The following FANCL variants were observed in gnomAD, a reference collection of about 807,000 sequenced individuals.
FANCL encodes the protein FA complementation group L, also known as E3 ubiquitin-protein ligase FANCL.
A neutral mutation model predicts 59.4 loss-of-function variants in FANCL; 69 were observed. That is an observed-to-expected ratio of 1.16 (90% CI 0.96 to 1.42). The LOEUF (loss-of-function observed/expected upper bound fraction) is 1.42. FANCL is among the 40% of genes most tolerant of loss of function. The pLI is 0.00. For missense variants in FANCL, 519 were observed against 447.2 expected, an observed-to-expected ratio of 1.16 and a Z score of -1.45; for synonymous variants, 180 against 147.1, an observed-to-expected ratio of 1.22 and a Z score of -1.62.
At chr2:58,223,543 C>T (rs1454589666) in intron 4 of FANCL, among the ~76,000 whole-genome samples, 3 of 151,938 alleles carry the variant, frequency 2.0e-5, no homozygotes, top group Admixed American at 2.0e-4. Context: ...AGGTAAGTTA[C>T]TCCTACTGTA....
chr2:58,178,901 A>C (rs13409706), intron 7 of FANCL, among the ~76,000 whole-genome samples: 2,342 of 152,314 alleles, frequency 0.015, 61 homozygotes, highest in African/African-American at 0.052. Flanking sequence ...ATACAAAATC[A>C]ATGTACAAAA....
At chr2:58,196,369 T>A (rs561994165) in intron 7 of FANCL, among the ~76,000 whole-genome samples, 8 of 152,084 alleles carry the variant, frequency 5.3e-5, no homozygotes, top group Non-Finnish European at 1.0e-4. Flanking sequence ...ATTTGTCAAA[T>A]CTGAGTTGTG....
rs1188120750 is a variant in FANCL at position 58,177,588 on chromosome 2, A to C, written c.541-11714T>G. Among the ~76,000 whole-genome samples, 10 of 133,008 alleles carry C rather than the reference A, an allele frequency of 7.5e-5. No homozygotes were observed. The Admixed American group carries it at 8.0e-4, about 11-fold the overall frequency. The allele number at this position is 133,008 out of a possible 152,430, so 87.3% of individuals were successfully genotyped here. ...TAGGTGGGAATTGAACAATGAGAAC[A>C]CATGGACACAGGAAGGGGAACATCA... On this transcript the variant is annotated intron_variant, in intron 7 of 13. Transcript: ENST00000233741.
intron 5 of FANCL, among the ~76,000 whole-genome samples, chr2:58,217,182 A>ATATATTT (rs1558806475): frequency 2.1e-3 from 10 of 4,806 alleles, no homozygotes; most frequent in African/African-American, 9.7e-3. Flanking sequence ...ATATATATAT[A>ATATATTT]TATATATATA....
chr2:58,196,553 TATA>T lies in FANCL; in HGVS notation c.540+2038_540+2040del, dbSNP rs566144356. Reference sequence around the variant, plus strand: ...CTTAAATTTGAATTAATATTATTAATATAATATTTATTCCATGCTTATATGAAT... The same window carrying T: ...CTTAAATTTGAATTAATATTATTAATATATTTATTCCATGCTTATATGAAT... On this transcript the variant is annotated intron_variant, in intron 7 of 13. Transcript: ENST00000233741. Among the ~76,000 whole-genome samples, 917 of 152,036 alleles carry T rather than the reference TATA, an allele frequency of 6.0e-3. 8 individuals are homozygous for T. Among genetic ancestry groups the T allele is most frequent in the African/African-American group, 0.021 (859 of 41,544 alleles).
At chr2:58,182,747 T>A (rs886478717) in intron 7 of FANCL, among the ~76,000 whole-genome samples, 2 of 151,724 alleles carry the variant, frequency 1.3e-5, no homozygotes. Context: ...AATGATGTCC[T>A]AATACAATTC....
chr2:58,163,603 A>G (rs1158585731), intron 8 of FANCL, 86 bp from the exon 9 acceptor site: 3 of 811,152 alleles, frequency 3.7e-6, no homozygotes, highest in East Asian at 2.6e-5. Context: ...TGGTCTGGCT[A>G]CCTATTTCAC....
intron 5 of FANCL, among the ~76,000 whole-genome samples, chr2:58,211,304 C>T (rs942754726): frequency 2.0e-5 from 3 of 149,586 alleles, no homozygotes; most frequent in African/African-American, 4.9e-5. Context: ...TCTGCAGCCA[C>T]GGCCCAAGCT....
In FANCL at chr2:58,198,667, T is replaced by C; in HGVS notation, c.472-5A>G. On this transcript the variant is annotated splice_polypyrimidine_tract_variant and splice_region_variant and intron_variant, in intron 6 of 13. Coordinates refer to ENST00000233741, the MANE Select transcript of FANCL (RefSeq NM_018062.4). The stretch of plus-strand genomic sequence containing the variant: ...ATCTGGTGATTCTGCAGGATACTAT[T>C]AAAAAAGCATAACATTAGACCATTT... 3 of 1,610,372 alleles carry C rather than the reference T, an allele frequency of 1.9e-6. No individual in the cohort carries two copies. The highest frequency in any genetic ancestry group is 2.5e-6 in the Non-Finnish European group (3 of 1,176,730).
chr2:58,201,358 A>G (rs886353850), intron 6 of FANCL, among the ~76,000 whole-genome samples: 9 of 151,820 alleles, frequency 5.9e-5, no homozygotes, highest in Non-Finnish European at 1.0e-4. Context: ...ATTTGCAGAA[A>G]ATCAAATCAA....
At chr2:58,171,552 G>GA (rs927998598) in intron 7 of FANCL, among the ~76,000 whole-genome samples, 3 of 151,984 alleles carry the variant, frequency 2.0e-5, no homozygotes, top group Admixed American at 2.0e-4. Flanking sequence ...ATAGAGACAC[G>GA]AAAAACCCTT....
chr2:58,221,083 G>C (rs1274831451), intron 5 of FANCL, among the ~76,000 whole-genome samples: 2 of 151,674 alleles, frequency 1.3e-5, no homozygotes, highest in African/African-American at 4.8e-5. Flanking sequence ...CGTGGTGGCA[G>C]GCGCCTGTAG....
chr2:58,166,163 G>GTCC (rs1558741944), intron 7 of FANCL, among the ~76,000 whole-genome samples: 1 of 151,628 alleles, frequency 6.6e-6, no homozygotes, highest in Non-Finnish European at 1.5e-5. Context: ...ATAGTAATGA[G>GTCC]TACAAGATGT....
chr2:58,213,956 T>C (rs1014084774), intron 5 of FANCL, among the ~76,000 whole-genome samples: 1 of 151,876 alleles, frequency 6.6e-6, no homozygotes, highest in Non-Finnish European at 1.5e-5. Context: ...AGCTGCCCTA[T>C]GGGACAACTC....
At chr2:58,188,510 T>G (rs1688625112) in intron 7 of FANCL, among the ~76,000 whole-genome samples, 1 of 151,998 alleles carries the variant, frequency 6.6e-6, no homozygotes, top group Non-Finnish European at 1.5e-5. Flanking sequence ...TGATCACAGC[T>G]CACTGCAACC....
At chr2:58,175,988 AACAG>A (rs1025151021) in intron 7 of FANCL, among the ~76,000 whole-genome samples, 15 of 152,354 alleles carry the variant, frequency 9.8e-5, no homozygotes, top group African/African-American at 3.6e-4. Flanking sequence ...ACACACTAAT[AACAG>A]ACAAACAGCC....
At position 58,173,672 on chromosome 2, in the gene FANCL, C is replaced by A. The variant is rs565362537; in HGVS notation, c.541-7798G>T. ...GGAAAGGAACAACCGGTACCAGCCG[C>A]TGCAAAATCATGCCAAATTGTAAAG... On this transcript the variant is annotated intron_variant, in intron 7 of 13. Coordinates refer to ENST00000233741, the MANE Select transcript of FANCL (RefSeq NM_018062.4). Among the ~76,000 whole-genome samples the A allele has an allele frequency of 4.2e-3, 646 of 152,300 alleles. 2 individuals carry two copies. The highest frequency in any genetic ancestry group is 6.5e-3 in the Non-Finnish European group (439 of 68,030).
chr2:58,204,089 A>C (rs768704605), intron 6 of FANCL, 41 bp downstream of exon 6: 1 of 1,453,058 alleles, frequency 6.9e-7, no homozygotes, highest in Non-Finnish European at 9.7e-7. Context: ...CATTTCACAA[A>C]GTATTTTCTG....
intron 5 of FANCL, among the ~76,000 whole-genome samples, chr2:58,214,956 G>A (rs1691559564): frequency 6.6e-6 from 1 of 152,026 alleles, no homozygotes; most frequent in Admixed American, 6.6e-5. Context: ...TTTTCTTATT[G>A]CACTTCTCTC....
Sources: allele counts gnomAD v4.1 joint callset (sites outside exome capture counted in the v4.1 genomes callset), GRCh38; gene constraint gnomAD v4.1.1; transcripts MANE v1.5; gene names NCBI Gene and HGNC (gene_info 2026-07-23, HGNC 2026-07-21).